TAF6L: variants seen among roughly 807,000 people sequenced by gnomAD.
TAF6L encodes TAF6-like RNA polymerase II p300/CBP-associated factor-associated factor 65 kDa subunit 6L.
In TAF6L, 34 loss-of-function variants were observed where a neutral mutation model predicts 57.3. The ratio of observed to expected loss-of-function variants is 0.59; its 90% CI spans 0.45 to 0.79. The LOEUF (loss-of-function observed/expected upper bound fraction) is 0.79, where lower values mean the gene tolerates loss of function less well. TAF6L is among the 30% of genes least tolerant of loss of function. TAF6L has a pLI of 0.00. For synonymous variants in TAF6L, 417 were observed against 376.3 expected (o/e 1.11, Z -1.25); for missense variants, 782 against 853.2 (o/e 0.92, Z 1.04).
At position 62,787,038 on chromosome 11, in the gene TAF6L, G is replaced by A. The variant is rs1181764319; in HGVS notation, c.1611G>A (p.Gln537=). The change falls in exon 11 of 11, where the codon CAG becomes CAA. Residue 537 remains glutamine, a synonymous_variant. Coordinates refer to ENST00000294168, the MANE Select transcript of TAF6L (RefSeq NM_006473.4). ...VHRARGAPRQ[Q]GPGTGTRDVF... The stretch of plus-strand genomic sequence containing the variant: ...GGGCGCGCGGGGCACCCCGGCAGCA[G>A]GGCCCCGGGACCGGCACCCGCGACG... 6.6e-7 allele frequency: 1 copy of A among 1,511,058 alleles called. No individual in the cohort carries two copies. The highest frequency in any genetic ancestry group is 8.8e-7 in the Non-Finnish European group (1 of 1,137,578). 93.6% of individuals were successfully genotyped at this position (1,511,058 alleles called of 1,614,324 possible). A position where few individuals can be genotyped will look rare whatever the true frequency, so the allele number is the denominator to read the frequency against.
At position 62,777,992 on chromosome 11, in the gene TAF6L, C is replaced by A; in HGVS notation, c.249C>A (p.Tyr83Ter). ...TTTTTCCTCAGGCTGTGTGTGGTTA[C>A]GGATCACAGGAGGCACTGCCCATGC... ...RWSSVEAVCG[Y>*]GSQEALPMRP... The change falls in exon 4 of 11, where the codon TAC becomes TAA. Residue 83 changes from tyrosine (Y) to a stop codon, truncating the protein, a stop_gained. Coordinates refer to ENST00000294168, the MANE Select transcript of TAF6L (RefSeq NM_006473.4). LOFTEE classifies it high-confidence loss of function. The A allele has an allele frequency of 6.2e-7, 1 of 1,614,102 alleles. No homozygotes were observed. The highest frequency in any genetic ancestry group is 8.5e-7 in the Non-Finnish European group (1 of 1,179,990).
intron 9 of TAF6L, among the ~76,000 whole-genome samples, chr11:62,784,877 A>G (rs1033717159): frequency 3.3e-5 from 5 of 152,232 alleles, no homozygotes; most frequent in African/African-American, 1.2e-4. Context: ...CAGGAGTGAA[A>G]TTAAACATGT....
chr11:62,782,570 T>C, intron 8 of TAF6L, 123 bp from the exon 9 acceptor site: 1 of 1,429,766 alleles, frequency 7.0e-7, no homozygotes, highest in South Asian at 1.3e-5. Context: ...CTGGCAGCCT[T>C]CTTCACTTAA....
chr11:62,786,227 A>G (rs2084273688), intron 9 of TAF6L, 33 bp from the exon 10 acceptor site: 2 of 1,593,634 alleles, frequency 1.3e-6, no homozygotes, highest in African/African-American at 1.3e-5. Context: ...AGTATCAAAG[A>G]CATGCTAACT....
intron 1 of TAF6L, among the ~76,000 whole-genome samples, chr11:62,774,905 AAAAAAT>A (rs1178224388): frequency 2.0e-5 from 3 of 150,858 alleles, no homozygotes; most frequent in African/African-American, 7.3e-5. Flanking sequence ...AAAAAAAAAA[AAAAAAT>A]TTAGCCATCC....
Position 62,787,226 on chromosome 11 carries a change from T to C in TAF6L, c.1799T>C (p.Met600Thr), listed in dbSNP as rs1489071259. 1.3e-6 allele frequency: 2 copies of C among 1,581,302 alleles called. No individual in the cohort carries two copies. The highest frequency in any genetic ancestry group is 1.7e-5 in the Admixed American group (1 of 58,292). ...PASRYVQKLP[M>T]IGRTSRPARR... ...TCGCGCTACGTGCAGAAACTGCCCA[T>C]GATCGGCCGTACCAGCCGCCCCGCC... Residue 600 changes from methionine to threonine, a missense_variant, in exon 11 of 11, where the codon ATG becomes ACG. By Grantham distance (81) the Met-to-Thr change is moderately conservative. This residue lies in a region of TAF6L where 483 missense variants were observed against 445.1 expected (regional missense o/e 1.09). Coordinates refer to ENST00000294168, the MANE Select transcript of TAF6L (RefSeq NM_006473.4).
chr11:62,776,034 C>T, intron 2 of TAF6L, 104 bp downstream of exon 2: 1 of 1,379,190 alleles, frequency 7.3e-7, no homozygotes, highest in Non-Finnish European at 9.8e-7. Flanking sequence ...GGTGCCTGCT[C>T]CATACAACAG....
rs776852452 is a variant in TAF6L at position 62,786,367 on chromosome 11, C to A, written c.1068C>A (p.His356Gln). The A allele has an allele frequency of 6.2e-7, 1 of 1,614,180 alleles. No homozygotes were observed. The highest frequency in any genetic ancestry group is 1.1e-5 in the South Asian group (1 of 91,084). The change falls in exon 10 of 11, where the codon CAC becomes CAA. Residue 356 changes from histidine (H) to glutamine (Q), a missense_variant. By Grantham distance (24) the His-to-Gln change is conservative (BLOSUM62 0). Coordinates refer to ENST00000294168, the MANE Select transcript of TAF6L (RefSeq NM_006473.4). ...ATGCCCAGGTCAAAGCAGATGGACACAAAGTCTATGGAGCCATTCTGGTGA... is the reference window on the plus strand; with the variant it reads ...ATGCCCAGGTCAAAGCAGATGGACAAAAAGTCTATGGAGCCATTCTGGTGA... ...VSNAQVKADG[H>Q]KVYGAILVAV...
chr11:62,787,170 C>T lies in TAF6L; in HGVS notation c.1743C>T (p.Ala581=), dbSNP rs769605826. 13 of 1,583,482 alleles carry T rather than the reference C, an allele frequency of 8.2e-6. No homozygotes were observed. The highest frequency in any genetic ancestry group is 1.1e-5 in the Non-Finnish European group (13 of 1,173,992). The part of the protein sequence containing the change: ...RRCRGRLFQT[A]FPAPYGPSPA... ...GCCGCGGGCGCCTTTTCCAGACTGC[C>T]TTCCCCGCGCCGTACGGGCCTAGCC... The change falls in exon 11 of 11, where the codon GCC becomes GCT. Residue 581 remains alanine, a synonymous_variant. Transcript: ENST00000294168.
chr11:62,775,870 C>T lies in TAF6L; in HGVS notation c.87C>T (p.Ser29=), dbSNP rs754808841. The change falls in exon 2 of 11, where the codon AGC becomes AGT. Residue 29 remains serine (S), a synonymous_variant. Coordinates refer to ENST00000294168, the MANE Select transcript of TAF6L (RefSeq NM_006473.4). The part of the protein sequence containing the change: ...LMAESTGLEL[S]DEVAALLAED... ...CGGAGAGCACGGGCCTGGAGCTGAG[C>T]GATGAGGTGGCGGCGCTGCTCGCAG... 5.0e-6 allele frequency: 8 copies of T among 1,613,844 alleles called. No individual in the cohort carries two copies. The highest frequency in any genetic ancestry group is 2.7e-5 in the African/African-American group (2 of 74,912).
At position 62,778,796 on chromosome 11, in the gene TAF6L, G is replaced by A; in HGVS notation, c.437-73G>A. The A allele has an allele frequency of 2.4e-6, 3 of 1,276,366 alleles. No individual in the cohort carries two copies. In the South Asian group the frequency reaches 3.6e-5, roughly 15 times the overall value. The allele number at this position is 1,276,366 out of a possible 1,614,324, so 79.1% of individuals were successfully genotyped here. A position where few individuals can be genotyped will look rare whatever the true frequency, so the allele number is the denominator to read the frequency against. ...GATGTGTGTGGGGATGGTGGTTGAG[G>A]GGGAGGAGGCTGGAGAGGCCAGGAG... On this transcript the variant is annotated intron_variant, in intron 5 of 10. Transcript: ENST00000294168.
At chr11:62,784,619 T>C (rs2084257139) in intron 9 of TAF6L, among the ~76,000 whole-genome samples, 1 of 152,196 alleles carries the variant, frequency 6.6e-6, no homozygotes, top group Admixed American at 6.5e-5. Flanking sequence ...ATTCTTAATT[T>C]TATCATCAAT....
intron 9 of TAF6L, among the ~76,000 whole-genome samples, chr11:62,784,354 G>A (rs908551929): frequency 6.8e-6 from 1 of 146,192 alleles, no homozygotes; most frequent in African/African-American, 2.5e-5. Context: ...ACCCAGGCTG[G>A]AGTCCAGTGG....
In TAF6L at chr11:62,787,263, G is replaced by A. The variant is rs760992581; in HGVS notation, c.1836G>A (p.Ala612=). ...GRTSRPARRW[A]LSDYSLYLPL is the part of the protein sequence containing the mutation. ...CCAGCCGCCCCGCCCGCCGGTGGGC[G>A]CTCTCGGACTACTCGCTGTACTTGC... The change falls in exon 11 of 11, where the codon GCG becomes GCA. Residue 612 remains alanine, a synonymous_variant. Coordinates refer to ENST00000294168, the MANE Select transcript of TAF6L (RefSeq NM_006473.4). 91 of 1,561,620 alleles carry A rather than the reference G, an allele frequency of 5.8e-5. No homozygotes were observed. Among genetic ancestry groups the A allele is most frequent in the Non-Finnish European group, 7.6e-5 (88 of 1,162,396 alleles).
chr11:62,774,809 C>T (rs1246539324), intron 1 of TAF6L: 9 of 312,040 alleles, frequency 2.9e-5, no homozygotes, highest in South Asian at 9.9e-5. Context: ...ATTAGCTGGG[C>T]GTGGTGGCAC....
intron 1 of TAF6L, among the ~76,000 whole-genome samples, chr11:62,774,123 C>G (rs1197280909): frequency 2.0e-5 from 3 of 151,960 alleles, no homozygotes; most frequent in Non-Finnish European, 4.4e-5. Flanking sequence ...GTTGCCCAGG[C>G]TGGAGTGCAG....
intron 1 of TAF6L, among the ~76,000 whole-genome samples, chr11:62,773,706 C>T (rs921010168): frequency 7.2e-5 from 11 of 152,090 alleles, no homozygotes; most frequent in Admixed American, 3.3e-4. Flanking sequence ...CCTTGGCCTC[C>T]GAAAGTGCTG....
chr11:62,777,871 T>G, intron 3 of TAF6L, 107 bp from the exon 4 acceptor site: 1 of 1,345,414 alleles, frequency 7.4e-7, no homozygotes, highest in East Asian at 2.4e-5. Context: ...CTTCTGGACT[T>G]CCTTCAAACG....
chr11:62,783,648 C>T (rs902472073), intron 9 of TAF6L, among the ~76,000 whole-genome samples: 2 of 151,454 alleles, frequency 1.3e-5, no homozygotes, highest in South Asian at 4.2e-4. Context: ...AATTCTTCCA[C>T]CTCACCCTCC....
Sources: gnomAD v4.1 joint callset for allele counts (sites outside exome capture counted in the v4.1 genomes callset) on GRCh38, gnomAD v4.1.1 for gene constraint, gnomAD v4.1.1 regional missense constraint, MANE v1.5 for transcripts, NCBI Gene and HGNC (gene_info 2026-07-23, HGNC 2026-07-21) for gene names.